The following METTL15 variants were observed in gnomAD, a reference collection of about 807,000 sequenced individuals.
The protein encoded by METTL15 is 12S rRNA N(4)-cytidine methyltransferase METTL15.
Under a neutral mutation model 38.3 loss-of-function variants are expected in METTL15, and 34 were observed. The observed-to-expected ratio is 0.89, with a 90% confidence interval of 0.68 to 1.18. The LOEUF (loss-of-function observed/expected upper bound fraction) is 1.18. Ranked by LOEUF, METTL15 falls within the 50% of genes most tolerant of loss-of-function variation. The pLI is 0.00. For missense variants in METTL15, 438 were observed against 498.4 expected, an observed-to-expected ratio of 0.88 and a Z score of 1.15; for synonymous variants, 162 against 170.9, an observed-to-expected ratio of 0.95 and a Z score of 0.41.
intron 3 of METTL15, among the ~76,000 whole-genome samples, chr11:28,157,343 G>A (rs968111512): frequency 6.6e-6 from 1 of 152,176 alleles, no homozygotes; most frequent in Non-Finnish European, 1.5e-5. Flanking sequence ...CCAGGCTGCT[G>A]TGCATGCTGC....
At chr11:28,205,124 A>G (rs1472168596) in intron 3 of METTL15, among the ~76,000 whole-genome samples, 2 of 151,922 alleles carry the variant, frequency 1.3e-5, no homozygotes, top group Non-Finnish European at 2.9e-5. Flanking sequence ...ATTTTATTAT[A>G]CTTTAAGTTT....
At chr11:28,517,891 G>T (rs893951401) in intron 6 of METTL15, among the ~76,000 whole-genome samples, 1 of 152,200 alleles carries the variant, frequency 6.6e-6, no homozygotes, top group African/African-American at 2.4e-5. Context: ...ACAAGATGAG[G>T]CATGGGCCTT....
At chr11:28,265,839 G>A (rs1273634372) in intron 4 of METTL15, among the ~76,000 whole-genome samples, 1 of 152,156 alleles carries the variant, frequency 6.6e-6, no homozygotes, top group East Asian at 1.9e-4. Context: ...CGCTTTAAAT[G>A]TTAGGGTACA....
At chr11:28,367,544 A>G (rs1850198740) in intron 5 of METTL15, among the ~76,000 whole-genome samples, 1 of 152,164 alleles carries the variant, frequency 6.6e-6, no homozygotes, top group Non-Finnish European at 1.5e-5. Flanking sequence ...TACAGATTCA[A>G]TGTTATCCCC....
intron 6 of METTL15, among the ~76,000 whole-genome samples, chr11:28,426,290 A>G (rs1228623084): frequency 6.6e-6 from 1 of 152,132 alleles, no homozygotes; most frequent in Non-Finnish European, 1.5e-5. Flanking sequence ...GTTCCTTCTT[A>G]TGGTTACATA....
chr11:28,424,021 GAAAC>G (rs1383824840), intron 5 of METTL15, among the ~76,000 whole-genome samples: 1 of 151,630 alleles, frequency 6.6e-6, no homozygotes, highest in African/African-American at 2.4e-5. Flanking sequence ...AAACCCCAAA[GAAAC>G]AAACAAAAAA....
intron 6 of METTL15, among the ~76,000 whole-genome samples, chr11:28,325,699 C>A (rs1849613727): frequency 6.6e-6 from 1 of 152,160 alleles, no homozygotes. Context: ...GAAACTAATT[C>A]AGTAGATCTG....
At chr11:28,373,908 C>T (rs867778593) in intron 5 of METTL15, among the ~76,000 whole-genome samples, 6 of 152,042 alleles carry the variant, frequency 3.9e-5, no homozygotes, top group East Asian at 1.9e-4. Flanking sequence ...CCCAGCACCA[C>T]TTATTAAATA....
chr11:28,439,030 AAAAAGTGCTGT>A (rs1031877876), intron 6 of METTL15, among the ~76,000 whole-genome samples: 2 of 151,878 alleles, frequency 1.3e-5, no homozygotes, highest in African/African-American at 4.8e-5. Context: ...ATGCAAAAAA[AAAAAGTGCTGT>A]AAGTGCTGTG....
At chr11:28,294,785 T>C (rs1808800158) in intron 5 of METTL15, among the ~76,000 whole-genome samples, 1 of 152,128 alleles carries the variant, frequency 6.6e-6, no homozygotes, top group Non-Finnish European at 1.5e-5. Context: ...TTTTGCACTG[T>C]AGCACTATGG....
rs371554930 is a variant in METTL15, at chr11:28,113,330, A to G, written c.-5A>G. ...TTTTTTTTTCTAGATTTGTTTACCT[A>G]CAAAATGCTTCGGTATCCATATTTT... On this transcript the variant is annotated 5_prime_UTR_variant, in exon 3 of 7. Transcript: ENST00000407364. 1.9e-6 allele frequency: 3 copies of G among 1,539,946 alleles called. No individual in the cohort carries two copies. The highest frequency in any genetic ancestry group is 4.0e-5 in the Admixed American group (2 of 49,586).
intron 6 of METTL15, among the ~76,000 whole-genome samples, chr11:28,478,946 G>A (rs995516816): frequency 6.6e-6 from 1 of 152,062 alleles, no homozygotes. Flanking sequence ...CATGGTTAAG[G>A]TGCAGATTGA....
At chr11:28,193,209 A>G (rs912540119) in intron 3 of METTL15, among the ~76,000 whole-genome samples, 5 of 152,100 alleles carry the variant, frequency 3.3e-5, no homozygotes, top group Admixed American at 1.3e-4. Context: ...TACCCTCTGT[A>G]TTAGTCAGTT....
intron 4 of METTL15, among the ~76,000 whole-genome samples, chr11:28,270,553 G>A (rs1855603490): frequency 1.3e-5 from 2 of 152,222 alleles, no homozygotes; most frequent in South Asian, 4.1e-4. Flanking sequence ...AACAACCAGG[G>A]TTAGAATCTC....
At chr11:28,367,128 G>A (rs1196545237) in intron 5 of METTL15, among the ~76,000 whole-genome samples, 8 of 151,570 alleles carry the variant, frequency 5.3e-5, no homozygotes, top group East Asian at 3.9e-4. Flanking sequence ...CTGCCTGAGC[G>A]ACTGGTTTCT....
At chr11:28,326,793 G>GT (rs1277498643) in intron 6 of METTL15, among the ~76,000 whole-genome samples, 2 of 151,498 alleles carry the variant, frequency 1.3e-5, no homozygotes, top group African/African-American at 2.4e-5. Flanking sequence ...TTTGGTTTTT[G>GT]TTTTTTTGTA....
At chr11:28,481,252 G>A (rs1851392777) in intron 6 of METTL15, among the ~76,000 whole-genome samples, 1 of 152,132 alleles carries the variant, frequency 6.6e-6, no homozygotes, top group Non-Finnish European at 1.5e-5. Context: ...CAGAAGGAAT[G>A]CAGTCTTGCT....
intron 3 of METTL15, among the ~76,000 whole-genome samples, chr11:28,156,058 T>A (rs1269276457): frequency 1.3e-5 from 2 of 152,174 alleles, no homozygotes; most frequent in African/African-American, 4.8e-5. Flanking sequence ...TCTTTAAGAT[T>A]AATATTTTGC....
At position 28,382,791 on chromosome 11, in the gene METTL15, C is replaced by T. The variant is rs533037499; in HGVS notation, c.*358+20755C>T. Reference sequence around the variant, plus strand: ...CAGAGGTTGCAGTGAGCCAAGATAGCGCCACTGCACTGCAGCCTGGGCAAC... The same window carrying T: ...CAGAGGTTGCAGTGAGCCAAGATAGTGCCACTGCACTGCAGCCTGGGCAAC... On this transcript the variant is annotated intron_variant and NMD_transcript_variant, in intron 5 of 7. Transcript: ENST00000532947. Among the ~76,000 whole-genome samples the T allele has an allele frequency of 7.9e-5, 12 of 151,288 alleles. No homozygotes were observed. The East Asian group carries it at 9.7e-4, about 12-fold the overall frequency.
Sources: gnomAD v4.1 joint callset for allele counts (sites outside exome capture counted in the v4.1 genomes callset) on GRCh38, gnomAD v4.1.1 for gene constraint, MANE v1.5 for transcripts, NCBI Gene and HGNC (gene_info 2026-07-23, HGNC 2026-07-21) for gene names.